Variants in ITCH observed in about 807,000 individuals in gnomAD.
The protein encoded by ITCH is E3 ubiquitin-protein ligase Itchy homolog.
In ITCH, 28 loss-of-function variants were observed where a neutral mutation model predicts 126.8. That is an observed-to-expected ratio of 0.22 (90% CI 0.16 to 0.30). The LOEUF is 0.30. Ranked by LOEUF, ITCH falls within the 10% of genes least tolerant of loss-of-function variation. The pLI is 1.00. For missense variants in ITCH, 631 were observed against 1,032.4 expected (o/e 0.61, Z 5.33); for synonymous variants, 342 against 340.0 (o/e 1.01, Z -0.06).
At chr20:34,430,419 C>G (rs59368731) in intron 7 of ITCH, among the ~76,000 whole-genome samples, 3 of 151,656 alleles carry the variant, frequency 2.0e-5, no homozygotes, top group African/African-American at 4.9e-5. Context: ...TAAAGACTTA[C>G]GGAATTTTTT....
At chr20:34,411,906 A>G (rs1979091301) in intron 4 of ITCH, among the ~76,000 whole-genome samples, 2 of 152,312 alleles carry the variant, frequency 1.3e-5, no homozygotes, top group Admixed American at 1.3e-4. Context: ...TATATTTGAT[A>G]GTTGGACTGG....
intron 2 of ITCH, among the ~76,000 whole-genome samples, chr20:34,375,731 T>TA (rs2037818076): frequency 4.7e-5 from 6 of 128,946 alleles, no homozygotes; most frequent in South Asian, 2.5e-4. Flanking sequence ...TTTTTTTTTT[T>TA]ACCAGTTGCT....
intron 20 of ITCH, among the ~76,000 whole-genome samples, chr20:34,482,811 C>G (rs763995907): frequency 5.9e-5 from 9 of 152,210 alleles, no homozygotes; most frequent in Non-Finnish European, 1.2e-4. Context: ...TTCACATTTC[C>G]CCTCCACACT....
chr20:34,455,660 T>C lies in ITCH; in HGVS notation c.1211-1730T>C, dbSNP rs1985827124. On this transcript the variant is annotated intron_variant, in intron 12 of 24. Coordinates refer to ENST00000374864, the MANE Select transcript of ITCH (RefSeq NM_031483.7). ...TTTTTTTTTCTTTTTTGTATTTTAG[T>C]AGAGACGGGGTTTCACCATGTTGCC... is the stretch of plus-strand genomic sequence containing the variant. Among the ~76,000 whole-genome samples, 5 of 151,260 alleles carry C rather than the reference T, an allele frequency of 3.3e-5. No individual in the cohort carries two copies. In the South Asian group the frequency reaches 1.0e-3, roughly 32 times the overall value.
At chr20:34,470,499 C>T (rs1157894378) in intron 15 of ITCH, among the ~76,000 whole-genome samples, 2 of 151,886 alleles carry the variant, frequency 1.3e-5, no homozygotes, top group Non-Finnish European at 2.9e-5. Context: ...AACATTGTCA[C>T]TTTTTCCTCA....
At chr20:34,466,448 T>C (rs1987077137) in intron 14 of ITCH, 4 of 493,878 alleles carry the variant, frequency 8.1e-6, no homozygotes, top group Non-Finnish European at 1.6e-5. Flanking sequence ...TTCTACACAT[T>C]AACAACTTTT....
At chr20:34,416,911 CT>C (rs60272162) in intron 6 of ITCH, among the ~76,000 whole-genome samples, 92 of 132,384 alleles carry the variant, frequency 6.9e-4, no homozygotes, top group African/African-American at 7.1e-4. Flanking sequence ...CTCTTCCTAG[CT>C]TTTTTTTTTT....
chr20:34,445,513 C>T, intron 11 of ITCH, 52 bp downstream of exon 11: 1 of 1,559,636 alleles, frequency 6.4e-7, no homozygotes. Context: ...TTTCTAGCCC[C>T]TTCCAGCATA....
intron 3 of ITCH, among the ~76,000 whole-genome samples, chr20:34,405,842 T>G (rs947472434): frequency 1.3e-5 from 2 of 152,088 alleles, no homozygotes; most frequent in East Asian, 1.9e-4. Flanking sequence ...CAGGCTGGTC[T>G]TAAACTCCTG....
intron 7 of ITCH, 35 bp downstream of exon 7, chr20:34,424,560 G>A: frequency 6.5e-6 from 10 of 1,545,118 alleles, no homozygotes; most frequent in Non-Finnish European, 8.1e-6. Context: ...ACAGAATGCG[G>A]AGAGATAGAT....
chr20:34,371,329 T>G (rs1301547968), intron 2 of ITCH, among the ~76,000 whole-genome samples: 24 of 137,112 alleles, frequency 1.8e-4, no homozygotes, highest in Non-Finnish European at 3.2e-4. Context: ...CAGGCTAGAG[T>G]GCAATGGCAC....
chr20:34,405,121 G>A, intron 3 of ITCH, among the ~76,000 whole-genome samples: 1 of 120,414 alleles, frequency 8.3e-6, no homozygotes, highest in South Asian at 2.7e-4. Flanking sequence ...CAGCCTGGGT[G>A]ACAGAACCAG....
intron 2 of ITCH, among the ~76,000 whole-genome samples, chr20:34,385,260 A>T (rs1430632354): frequency 1.6e-5 from 2 of 127,422 alleles, no homozygotes; most frequent in African/African-American, 6.1e-5. Flanking sequence ...ATAGGGTGTC[A>T]CTATGTTGGC....
At chr20:34,386,539 C>G (rs2038290375) in intron 2 of ITCH, among the ~76,000 whole-genome samples, 1 of 152,166 alleles carries the variant, frequency 6.6e-6, no homozygotes, top group African/African-American at 2.4e-5. Context: ...TATACTTTAG[C>G]TCTTTGAACT....
rs536014281 is a variant in ITCH, at chr20:34,495,006, C to T, written c.2416+2409C>T. Among the ~76,000 whole-genome samples the T allele has an allele frequency of 1.2e-4, 18 of 150,922 alleles. No homozygotes were observed. The South Asian group carries it at 1.5e-3, about 12-fold the overall frequency. On this transcript the variant is annotated intron_variant, in intron 23 of 24. Coordinates refer to ENST00000374864, the MANE Select transcript of ITCH (RefSeq NM_031483.7). ...GTGGCTCACGCCTGTAATCCCAGCA[C>T]GTTGGGAGGCCGAGGCAGGCGGATC... is the stretch of plus-strand genomic sequence containing the variant.
At chr20:34,378,824 CAGT>C (rs934736109) in intron 2 of ITCH, among the ~76,000 whole-genome samples, 23 of 152,176 alleles carry the variant, frequency 1.5e-4, no homozygotes, top group African/African-American at 4.3e-4. Flanking sequence ...TGTGGAAAGT[CAGT>C]AGTCAAAAGG....
chr20:34,481,007 C>G (rs1404403476), intron 19 of ITCH, 59 bp from the exon 20 acceptor site: 1 of 1,562,568 alleles, frequency 6.4e-7, no homozygotes, highest in Non-Finnish European at 8.8e-7. Context: ...TCGTTAAAAA[C>G]TTATAAATTA....
At chr20:34,395,635 A>G (rs1278121578) in intron 3 of ITCH, among the ~76,000 whole-genome samples, 1 of 152,186 alleles carries the variant, frequency 6.6e-6, no homozygotes, top group Non-Finnish European at 1.5e-5. Flanking sequence ...CCACAAACCC[A>G]GGCAACTCCT....
chr20:34,487,959 T>C (rs920438919), intron 20 of ITCH, among the ~76,000 whole-genome samples: 2 of 152,146 alleles, frequency 1.3e-5, no homozygotes, highest in African/African-American at 4.8e-5. Context: ...GAAAAGAAGC[T>C]CATAATAATA....
Sources: gnomAD v4.1 joint callset for allele counts (sites outside exome capture counted in the v4.1 genomes callset) on GRCh38, gnomAD v4.1.1 for gene constraint, MANE v1.5 for transcripts, NCBI Gene and HGNC (gene_info 2026-07-23, HGNC 2026-07-21) for gene names.